PTPRG: variants seen among roughly 807,000 people sequenced by gnomAD.
PTPRG encodes the protein protein tyrosine phosphatase receptor type G, also known as receptor-type tyrosine-protein phosphatase gamma.
PTPRG carries 102 observed loss-of-function variants against 165.3 expected under a neutral mutation model. The ratio of observed to expected loss-of-function variants is 0.62; its 90% CI spans 0.53 to 0.73. The LOEUF (loss-of-function observed/expected upper bound fraction) is 0.73, where lower values mean the gene tolerates loss of function less well. PTPRG is among the 30% of genes least tolerant of loss of function. The pLI is 0.00. For missense variants in PTPRG, 1,866 were observed against 1,861.4 expected (o/e 1.00, Z -0.05); for synonymous variants, 675 against 669.5 (o/e 1.01, Z -0.13).
At chr3:62,198,224 A>G (rs2068720597) in intron 10 of PTPRG, among the ~76,000 whole-genome samples, 2 of 152,338 alleles carry the variant, frequency 1.3e-5, no homozygotes, top group South Asian at 2.1e-4. Context: ...GCATTGTTAC[A>G]TAAGTTATTT....
chr3:62,213,782 T>A lies in PTPRG; in HGVS notation c.2156-5069T>A, dbSNP rs1310530168. Among the ~76,000 whole-genome samples, 1 of 152,170 alleles carries A rather than the reference T, an allele frequency of 6.6e-6. No homozygotes were observed. Among genetic ancestry groups the A allele is most frequent in the Admixed American group, 6.5e-5 (1 of 15,276 alleles). ...CGGTGTCTGAGGGCATATAATGATA[T>A]GGGTGTATACTCAGGGCCACATTTT... On this transcript the variant is annotated intron_variant, in intron 12 of 29. Coordinates refer to ENST00000474889, the MANE Select transcript of PTPRG (RefSeq NM_002841.4). This position sits in a 1 kb window ranked among gnomAD's most constrained non-coding sequence, Gnocchi z 4.4.
At chr3:62,134,792 G>A (rs1005766184) in intron 6 of PTPRG, among the ~76,000 whole-genome samples, 5 of 152,286 alleles carry the variant, frequency 3.3e-5, no homozygotes, top group Admixed American at 6.5e-5. Context: ...CAGTATGTTA[G>A]TCAAATGACT....
chr3:61,681,364 A>G, intron 1 of PTPRG, among the ~76,000 whole-genome samples: 1 of 152,204 alleles, frequency 6.6e-6, no homozygotes, highest in South Asian at 2.1e-4. Context: ...GAAACATTAC[A>G]ATCAGCCTTG....
intron 5 of PTPRG, among the ~76,000 whole-genome samples, chr3:62,120,306 A>G (rs1420657860): frequency 6.6e-6 from 1 of 151,206 alleles, no homozygotes; most frequent in Non-Finnish European, 1.5e-5. Flanking sequence ...AGTGGTGGTC[A>G]TATTTAAGAT....
chr3:62,243,423 A>T (rs1388616), intron 14 of PTPRG, among the ~76,000 whole-genome samples: 1,895 of 152,196 alleles, frequency 0.012, 17 homozygotes, highest in Admixed American at 0.033. Context: ...GTGGTTTTGA[A>T]CTTGGTGCTG....
intron 1 of PTPRG, among the ~76,000 whole-genome samples, chr3:61,653,707 C>CT (rs1209156473): frequency 6.6e-6 from 1 of 152,154 alleles, no homozygotes; most frequent in Non-Finnish European, 1.5e-5. Flanking sequence ...GCCCTTTCAA[C>CT]TTTCTTTGCT....
intron 15 of PTPRG, among the ~76,000 whole-genome samples, chr3:62,249,781 C>T (rs887180223): frequency 6.6e-6 from 1 of 152,188 alleles, no homozygotes; most frequent in Non-Finnish European, 1.5e-5. Flanking sequence ...TAACTGAAGC[C>T]TACCCTCAAA....
At chr3:61,700,631 C>T (rs995241776) in intron 1 of PTPRG, among the ~76,000 whole-genome samples, 2 of 152,156 alleles carry the variant, frequency 1.3e-5, no homozygotes, top group Non-Finnish European at 1.5e-5. Flanking sequence ...GTGAAGTGAA[C>T]TTGACTGTTT....
chr3:61,664,676 C>G (rs546330635), intron 1 of PTPRG, among the ~76,000 whole-genome samples: 4 of 152,022 alleles, frequency 2.6e-5, no homozygotes, highest in African/African-American at 9.7e-5. Flanking sequence ...ACAGAAGATA[C>G]AAAAATTAGT....
intron 4 of PTPRG, among the ~76,000 whole-genome samples, chr3:62,009,727 C>T (rs2107735510): frequency 6.6e-6 from 1 of 152,174 alleles, no homozygotes; most frequent in East Asian, 1.9e-4. Context: ...ACAGTGCCAC[C>T]CTCTCCACAC....
At chr3:62,038,759 G>A (rs1700029967) in intron 4 of PTPRG, among the ~76,000 whole-genome samples, 1 of 152,010 alleles carries the variant, frequency 6.6e-6, no homozygotes, top group Non-Finnish European at 1.5e-5. Flanking sequence ...GTACATATAT[G>A]GAGATATATA....
At chr3:61,773,148 G>A (rs1283036393) in intron 2 of PTPRG, among the ~76,000 whole-genome samples, 1 of 152,142 alleles carries the variant, frequency 6.6e-6, no homozygotes, top group Non-Finnish European at 1.5e-5. Flanking sequence ...GTGGTGGTAG[G>A]TTTGCAGAGG....
chr3:61,838,513 G>A (rs574808745), intron 2 of PTPRG, among the ~76,000 whole-genome samples: 2 of 152,272 alleles, frequency 1.3e-5, no homozygotes, highest in East Asian at 3.9e-4. Flanking sequence ...GCCCCACATG[G>A]TGATTAAAAT....
chr3:61,778,467 G>A (rs1322450693), intron 2 of PTPRG, among the ~76,000 whole-genome samples: 1 of 152,146 alleles, frequency 6.6e-6, no homozygotes, highest in Admixed American at 6.6e-5. Context: ...GAAAACTTGG[G>A]ATGGGGGTGG....
At position 61,768,270 on chromosome 3, in the gene PTPRG, T is replaced by G. The variant is rs896930448; in HGVS notation, c.190+19288T>G. On this transcript the variant is annotated intron_variant, in intron 2 of 29. Coordinates refer to ENST00000474889, the MANE Select transcript of PTPRG (RefSeq NM_002841.4). ...ACAGGTATGATGTATGTCTTTTTTT[T>G]GGTAGGGATATTTACTACAGGAATT... 2.6e-5 allele frequency among the ~76,000 whole-genome samples: 4 copies of G among 152,232 alleles called. No individual in the cohort carries two copies. The East Asian group carries it at 5.8e-4, about 22-fold the overall frequency.
intron 2 of PTPRG, among the ~76,000 whole-genome samples, chr3:61,822,367 C>T (rs139110445): frequency 1.0e-3 from 157 of 152,332 alleles, no homozygotes; most frequent in South Asian, 3.9e-3. Flanking sequence ...GAGAATTTCC[C>T]TCGTGTCCCT....
At chr3:62,275,738 G>A (rs1702209417) in intron 23 of PTPRG, 135 bp from the exon 24 acceptor site, 2 of 628,410 alleles carry the variant, frequency 3.2e-6, no homozygotes, top group Admixed American at 3.0e-5. Context: ...GCAAGACCCT[G>A]TGTCTTAAAA....
rs924939959 is a variant in PTPRG at position 62,294,789 on chromosome 3, G to C, written c.*1482G>C. On this transcript the variant is annotated 3_prime_UTR_variant, in exon 30 of 30. Transcript: ENST00000474889. ...TCACCAGAACTGGGCCTGTTAGGAA[G>C]AATAGGGTTTTATTTACTTTTTATG... The C allele has an allele frequency of 6.6e-6, 1 of 152,126 alleles. No individual in the cohort carries two copies. The highest frequency in any genetic ancestry group is 1.5e-5 in the Non-Finnish European group (1 of 68,022). 9.4% of individuals were successfully genotyped at this position (152,126 alleles called of 1,614,324 possible).
intron 1 of PTPRG, among the ~76,000 whole-genome samples, chr3:61,683,122 G>A (rs934056233): frequency 1.3e-5 from 2 of 152,142 alleles, no homozygotes; most frequent in African/African-American, 4.8e-5. Flanking sequence ...TGAAAAGTGA[G>A]TCATTATGGA....
Sources: gnomAD v4.1 joint callset for allele counts (sites outside exome capture counted in the v4.1 genomes callset) on GRCh38, gnomAD v4.1.1 for gene constraint, Gnocchi (gnomAD v3.1) non-coding constraint, MANE v1.5 for transcripts, NCBI Gene and HGNC (gene_info 2026-07-23, HGNC 2026-07-21) for gene names.